ITPKB: variants seen among roughly 807,000 people sequenced by gnomAD.
ITPKB encodes IP3 3-kinase B.
A neutral mutation model predicts 69.4 loss-of-function variants in ITPKB; 13 were observed. That is an observed-to-expected ratio of 0.19 (90% CI 0.12 to 0.30). The LOEUF (loss-of-function observed/expected upper bound fraction) is 0.30, where lower values mean the gene tolerates loss of function less well. ITPKB is among the 10% of genes least tolerant of loss of function. The pLI is 1.00. For synonymous variants in ITPKB, 584 were observed against 513.7 expected (o/e 1.14, Z -1.85); for missense variants, 1,240 against 1,250.5 (o/e 0.99, Z 0.13).
rs1266166902 is a variant in ITPKB, at chr1:226,737,600, C to A, written c.-142G>T. ...CGCAGATGGGGCGGCATGGCCTGGG[C>A]AGCGGGCTGGGGGCACGACCGCGGG... On this transcript the variant is annotated 5_prime_UTR_variant, in exon 2 of 8. Coordinates refer to ENST00000429204, the MANE Select transcript of ITPKB (RefSeq NM_002221.4). 3 of 1,165,940 alleles carry A rather than the reference C, an allele frequency of 2.6e-6. No homozygotes were observed. Among genetic ancestry groups the A allele is most frequent in the Non-Finnish European group, 2.1e-6 (2 of 947,836 alleles). 72.2% of individuals were successfully genotyped at this position (1,165,940 alleles called of 1,614,324 possible).
At chr1:226,645,239 C>T (rs144421042) in intron 4 of ITPKB, among the ~76,000 whole-genome samples, 68 of 152,288 alleles carry the variant, frequency 4.5e-4, no homozygotes, top group Non-Finnish European at 8.1e-4. Flanking sequence ...GCTGGGTGCA[C>T]CCTGCTTCTG....
At chr1:226,690,525 ACTC>A (rs56657341) in intron 2 of ITPKB, among the ~76,000 whole-genome samples, 5,284 of 145,380 alleles carry the variant, frequency 0.036, 308 homozygotes, top group African/African-American at 0.13. Context: ...AGGATAACTC[ACTC>A]CTCCTACGTC....
At chr1:226,656,678 G>C (rs1427507348) in intron 2 of ITPKB, 1 of 152,278 alleles carries the variant, frequency 6.6e-6, no homozygotes, top group Non-Finnish European at 1.5e-5. Context: ...AGCCCACGGA[G>C]TTGGATGTTG....
chr1:226,680,997 T>G (rs1294991020), intron 2 of ITPKB, among the ~76,000 whole-genome samples: 1 of 152,194 alleles, frequency 6.6e-6, no homozygotes, highest in Admixed American at 6.5e-5. Flanking sequence ...GTCCAGTCAT[T>G]GCCCTGACAA....
intron 2 of ITPKB, among the ~76,000 whole-genome samples, chr1:226,699,327 C>T (rs998369025): frequency 1.2e-4 from 19 of 152,236 alleles, no homozygotes; most frequent in Admixed American, 2.0e-4. Context: ...AAGCACCCTC[C>T]GGGCTGCTGA....
At chr1:226,673,296 C>T (rs1219170009) in intron 2 of ITPKB, among the ~76,000 whole-genome samples, 1 of 152,212 alleles carries the variant, frequency 6.6e-6, no homozygotes, top group Non-Finnish European at 1.5e-5. Flanking sequence ...ATTGCTTGAA[C>T]ACAGGGGTAG....
intron 2 of ITPKB, among the ~76,000 whole-genome samples, chr1:226,712,709 A>T (rs1656991773): frequency 6.6e-6 from 1 of 152,288 alleles, no homozygotes; most frequent in South Asian, 2.1e-4. Context: ...CTCTTAAATT[A>T]TCTGGTCCTG....
intron 2 of ITPKB, among the ~76,000 whole-genome samples, chr1:226,672,247 C>T (rs575505889): frequency 6.6e-6 from 1 of 152,284 alleles, no homozygotes; most frequent in Admixed American, 6.5e-5. Flanking sequence ...ACGTCTCACT[C>T]CCCGCCTGAG....
At chr1:226,732,902 A>T (rs189166244) in intron 2 of ITPKB, among the ~76,000 whole-genome samples, 1 of 152,310 alleles carries the variant, frequency 6.6e-6, no homozygotes, top group Non-Finnish European at 1.5e-5. Context: ...AAGCAGATAT[A>T]CTGTCACCCC....
chr1:226,727,784 G>A (rs1325309985), intron 2 of ITPKB, among the ~76,000 whole-genome samples: 1 of 152,088 alleles, frequency 6.6e-6, no homozygotes, highest in Non-Finnish European at 1.5e-5. Context: ...CACCCCTTCA[G>A]AAGAGTTCTC....
intron 2 of ITPKB, among the ~76,000 whole-genome samples, chr1:226,710,417 CG>C (rs1470770183): frequency 6.6e-6 from 1 of 152,214 alleles, no homozygotes; most frequent in Admixed American, 6.5e-5. Flanking sequence ...TGCCATAAAA[CG>C]TACTAAAATA....
rs115586335 is a variant in ITPKB, at chr1:226,724,899, G to T, written c.1932+10628C>A. 5.8e-3 allele frequency among the ~76,000 whole-genome samples: 891 copies of T among 152,310 alleles called. 4 individuals carry two copies. The highest frequency in any genetic ancestry group is 0.021 in the African/African-American group (861 of 41,564). On this transcript the variant is annotated intron_variant, in intron 2 of 7. Transcript: ENST00000429204. ...CTCCAAATCAAGTACTGGGGCAGGG[G>T]TGCCCTCTTTCATTCCAGCCTCCGT...
chr1:226,690,611 A>C (rs185121802), intron 2 of ITPKB, among the ~76,000 whole-genome samples: 1 of 152,336 alleles, frequency 6.6e-6, no homozygotes, highest in African/African-American at 2.4e-5. Context: ...GTTTCTTCAG[A>C]TATAAAACAG....
At chr1:226,707,570 T>A (rs1656833197) in intron 2 of ITPKB, 1 of 985,830 alleles carries the variant, frequency 1.0e-6, no homozygotes, top group Non-Finnish European at 1.2e-6. Flanking sequence ...CAGCTTACTA[T>A]ATAAAATGCC....
At chr1:226,709,850 A>G (rs1289079702) in intron 2 of ITPKB, among the ~76,000 whole-genome samples, 1 of 152,156 alleles carries the variant, frequency 6.6e-6, no homozygotes, top group Non-Finnish European at 1.5e-5. Flanking sequence ...GTGCAGCACT[A>G]TCTCCCTGCT....
rs779849355 is a variant in ITPKB at position 226,637,673 on chromosome 1, A to G, written c.2625+6T>C. The G allele has an allele frequency of 1.2e-6, 2 of 1,610,002 alleles. No individual in the cohort carries two copies. Among genetic ancestry groups the G allele is most frequent in the Admixed American group, 1.7e-5 (1 of 59,990 alleles). ...CTGCTCAAGAGGGCAAAAGCCCAGT[A>G]TCTACCTCGTGGCACTTGAAGAAGG... is the stretch of plus-strand genomic sequence containing the variant. On this transcript the variant is annotated splice_donor_region_variant and intron_variant, in intron 7 of 7. Transcript: ENST00000429204. This position sits in a 1 kb window ranked among gnomAD's most constrained non-coding sequence, Gnocchi z 4.3.
chr1:226,708,835 G>T (rs140158976), intron 2 of ITPKB, among the ~76,000 whole-genome samples: 3 of 152,376 alleles, frequency 2.0e-5, no homozygotes, highest in African/African-American at 7.2e-5. Flanking sequence ...GCAGCTGACA[G>T]CATCTTAACT....
In ITPKB at chr1:226,634,654, G is replaced by T; in HGVS notation, c.*17C>A. The T allele has an allele frequency of 1.3e-6, 1 of 777,010 alleles. No individual in the cohort carries two copies. Among genetic ancestry groups the T allele is most frequent in the South Asian group, 1.3e-5 (1 of 74,200 alleles). The allele number at this position is 777,010 out of a possible 1,614,324, so 48.1% of individuals were successfully genotyped here. A position where few individuals can be genotyped will look rare whatever the true frequency, so the allele number is the denominator to read the frequency against. ...GGAAAGGAGGCCCAGGCGGGGGCCAGGGAGGGCGTGGGCAGCTCAGGCGAG... is the reference window on the plus strand; with the variant it reads ...GGAAAGGAGGCCCAGGCGGGGGCCATGGAGGGCGTGGGCAGCTCAGGCGAG... On this transcript the variant is annotated 3_prime_UTR_variant, in exon 8 of 8. Transcript: ENST00000429204. The surrounding 1 kb of genome is among the most constrained non-coding windows in gnomAD (Gnocchi z 6.3).
In ITPKB at chr1:226,636,458, T is replaced by C. The variant is rs535476048; in HGVS notation, c.2625+1221A>G. On this transcript the variant is annotated intron_variant, in intron 7 of 7. Transcript: ENST00000429204. ...GCAGGGAATGACATGCAGAGCAAGG[T>C]AGACCATCTGCCTGAGGAGGCCTGG... Among the ~76,000 whole-genome samples, 4 of 152,316 alleles carry C rather than the reference T, an allele frequency of 2.6e-5. No individual in the cohort carries two copies. In the East Asian group the frequency reaches 5.8e-4, roughly 22 times the overall value.
Sources: allele counts gnomAD v4.1 joint callset (sites outside exome capture counted in the v4.1 genomes callset), GRCh38; gene constraint gnomAD v4.1.1; non-coding constraint Gnocchi (gnomAD v3.1); transcripts MANE v1.5; gene names NCBI Gene and HGNC (gene_info 2026-07-23, HGNC 2026-07-21).